Variants in ALDH1A1 observed in about 807,000 individuals in gnomAD.
ALDH1A1 encodes aldehyde dehydrogenase 1A1.
ALDH1A1 carries 19 observed loss-of-function variants against 62.1 expected under a neutral mutation model. That is an observed-to-expected ratio of 0.31 (90% CI 0.21 to 0.45). The LOEUF (loss-of-function observed/expected upper bound fraction) is 0.45, where lower values mean the gene tolerates loss of function less well. Ranked by LOEUF, ALDH1A1 falls within the 20% of genes least tolerant of loss-of-function variation. The probability of loss-of-function intolerance (pLI) is 1.00; values close to 1 mark genes in which losing one functional copy is unlikely to be tolerated. For missense variants in ALDH1A1, 521 were observed against 607.1 expected (o/e 0.86, Z 1.49); for synonymous variants, 231 against 215.9 (o/e 1.07, Z -0.61).
intron 11 of ALDH1A1, among the ~76,000 whole-genome samples, 199 bp from the exon 12 acceptor site, chr9:72,906,231 A>C (rs1287692089): frequency 6.6e-6 from 1 of 152,184 alleles, no homozygotes; most frequent in Non-Finnish European, 1.5e-5. Flanking sequence ...AACAAATAGA[A>C]TAGTGCAACT....
In ALDH1A1 at chr9:72,903,995, C is replaced by T. The variant is rs1829840877; in HGVS notation, c.1433+1963G>A. Among the ~76,000 whole-genome samples, 3 of 151,988 alleles carry T rather than the reference C, an allele frequency of 2.0e-5. 1 individual carries two copies. The South Asian group carries it at 6.2e-4, about 31-fold the overall frequency. On this transcript the variant is annotated intron_variant, in intron 12 of 12. Transcript: ENST00000297785. Reference sequence around the variant, plus strand: ...GAAGAAACTAGGGAAGGAAGAAACCCATTTGTTGAATTTACACTTTGTGAC... The same window carrying T: ...GAAGAAACTAGGGAAGGAAGAAACCTATTTGTTGAATTTACACTTTGTGAC...
chr9:72,943,096 C>T (rs1209397504), intron 1 of ALDH1A1, among the ~76,000 whole-genome samples: 1 of 152,084 alleles, frequency 6.6e-6, no homozygotes, highest in African/African-American at 2.4e-5. Context: ...ATTGTATTAC[C>T]ACCTTAGATT....
In ALDH1A1 at chr9:72,939,311, G is replaced by T. The variant is rs114015416; in HGVS notation, c.171+837C>A. On this transcript the variant is annotated intron_variant, in intron 2 of 12. Coordinates refer to ENST00000297785, the MANE Select transcript of ALDH1A1 (RefSeq NM_000689.5). Reference sequence around the variant, plus strand: ...AACAATTTTCACTAAATAAAAACTGGTTTTTGTTGTTTCTATTATTAGCTG... The same window carrying T: ...AACAATTTTCACTAAATAAAAACTGTTTTTTGTTGTTTCTATTATTAGCTG... Among the ~76,000 whole-genome samples, 1,059 of 152,060 alleles carry T rather than the reference G, an allele frequency of 7.0e-3. 17 individuals are homozygous for T. The highest frequency in any genetic ancestry group is 0.024 in the African/African-American group (988 of 41,462).
At chr9:72,922,688 A>G (rs1401122155) in intron 7 of ALDH1A1, among the ~76,000 whole-genome samples, 1 of 152,198 alleles carries the variant, frequency 6.6e-6, no homozygotes, top group Non-Finnish European at 1.5e-5. Flanking sequence ...TGGATTCCCT[A>G]TTGGGGAGGG....
chr9:72,934,070 G>C (rs913296818), intron 2 of ALDH1A1, among the ~76,000 whole-genome samples: 1 of 152,076 alleles, frequency 6.6e-6, no homozygotes, highest in African/African-American at 2.4e-5. Context: ...TGCTATGATT[G>C]CAGGCATGAG....
At chr9:72,920,926 T>G (rs1001509453) in intron 7 of ALDH1A1, among the ~76,000 whole-genome samples, 2 of 152,216 alleles carry the variant, frequency 1.3e-5, no homozygotes, top group African/African-American at 4.8e-5. Flanking sequence ...TATTATGTCT[T>G]GCATAATGTG....
At chr9:72,923,918 T>TTTAAA in intron 7 of ALDH1A1, 101 bp downstream of exon 7, 1 of 736,880 alleles carries the variant, frequency 1.4e-6, no homozygotes, top group Non-Finnish European at 2.2e-6. Flanking sequence ...TAAAAAGAGT[T>TTTAAA]TTTGTTTTAA....
At chr9:72,949,187 C>T (rs932900641) in intron 1 of ALDH1A1, among the ~76,000 whole-genome samples, 36 of 151,904 alleles carry the variant, frequency 2.4e-4, no homozygotes, top group Admixed American at 2.6e-4. Context: ...CTAGCCCAAA[C>T]GTCACATTTT....
Position 72,918,539 on chromosome 9 carries a change from AT to A in ALDH1A1, c.850+180del, listed in dbSNP as rs1173698399. Among the ~76,000 whole-genome samples, 11 of 150,344 alleles carry A rather than the reference AT, an allele frequency of 7.3e-5. No homozygotes were observed. In the East Asian group the frequency reaches 1.6e-3, roughly 22 times the overall value. ...AAATTGTGTCTATTATCTATGTGTT[AT>A]AACTTTAGGATGATTTAAGAGATTT... On this transcript the variant is annotated intron_variant, in intron 8 of 12. Transcript: ENST00000297785.
At chr9:72,918,228 ACTATACTTG>A (rs1830087564) in intron 8 of ALDH1A1, among the ~76,000 whole-genome samples, 1 of 152,174 alleles carries the variant, frequency 6.6e-6, no homozygotes, top group Admixed American at 6.5e-5. Flanking sequence ...CATAAACTCC[ACTATACTTG>A]CTAGGAAAAA....
chr9:72,940,475 A>C (rs1830402816), intron 1 of ALDH1A1, among the ~76,000 whole-genome samples: 1 of 152,198 alleles, frequency 6.6e-6, no homozygotes, highest in Non-Finnish European at 1.5e-5. Flanking sequence ...CAATCAGTTC[A>C]ACACTAGAAA....
rs1829955811 is a variant in ALDH1A1, at chr9:72,909,706, G to A, written c.1254C>T (p.Ile418=). The A allele has an allele frequency of 6.2e-6, 10 of 1,613,526 alleles. No individual in the cohort carries two copies. Among genetic ancestry groups the A allele is most frequent in the Non-Finnish European group, 8.5e-6 (10 of 1,179,730 alleles). ...CATAGAAAGTATTGTTTGCTCTTTT[G>A]ATCACGTCATCTAAAGATTTAAACT... ...IMKFKSLDDV[I]KRANNTFYGL... Residue 418 remains isoleucine, a synonymous_variant, in exon 11 of 13, where the codon ATC becomes ATT. Transcript: ENST00000297785.
intron 12 of ALDH1A1, among the ~76,000 whole-genome samples, chr9:72,902,926 A>G (rs537542843): frequency 1.3e-5 from 2 of 152,020 alleles, no homozygotes; most frequent in African/African-American, 4.8e-5. Flanking sequence ...TAAACTTGCA[A>G]GTGATATCAA....
intron 5 of ALDH1A1, among the ~76,000 whole-genome samples, chr9:72,926,576 A>G (rs543999590): frequency 1.3e-5 from 2 of 152,366 alleles, no homozygotes; most frequent in African/African-American, 4.8e-5. Flanking sequence ...TGAGCCTCTT[A>G]TCTAAAGGTA....
At position 72,909,736 on chromosome 9, in the gene ALDH1A1, G is replaced by A; in HGVS notation, c.1224C>T (p.Ile408=). 6.2e-7 allele frequency: 1 copy of A among 1,613,018 alleles called. No individual in the cohort carries two copies. The highest frequency in any genetic ancestry group is 8.5e-7 in the Non-Finnish European group (1 of 1,179,354). The change falls in exon 11 of 13, where the codon ATC becomes ATT. Residue 408 remains isoleucine (I), a synonymous_variant. Coordinates refer to ENST00000297785, the MANE Select transcript of ALDH1A1 (RefSeq NM_000689.5). ...CGTCATCTAAAGATTTAAACTTCAT[G>A]ATTTGCTGCACTGGTCCAAAAATCT... ...KEEIFGPVQQ[I]MKFKSLDDVI... is the part of the protein sequence containing the mutation.
At chr9:72,920,211 G>A (rs1830123254) in intron 7 of ALDH1A1, among the ~76,000 whole-genome samples, 1 of 152,054 alleles carries the variant, frequency 6.6e-6, no homozygotes, top group Non-Finnish European at 1.5e-5. Context: ...TTACAGAATA[G>A]GGCATTAATA....
chr9:72,928,703 C>T (rs1445000445), intron 4 of ALDH1A1, among the ~76,000 whole-genome samples, 189 bp downstream of exon 4: 1 of 152,180 alleles, frequency 6.6e-6, no homozygotes, highest in Non-Finnish European at 1.5e-5. Flanking sequence ...GCTGAAACAA[C>T]TTTAAAAGAC....
intron 2 of ALDH1A1, among the ~76,000 whole-genome samples, chr9:72,934,181 C>T (rs577314140): frequency 1.3e-5 from 2 of 152,222 alleles, no homozygotes; most frequent in East Asian, 3.9e-4. Context: ...CTTTGCCTTC[C>T]AACGTGGTGG....
intron 7 of ALDH1A1, among the ~76,000 whole-genome samples, chr9:72,920,669 T>C (rs953061665): frequency 6.6e-6 from 1 of 152,210 alleles, no homozygotes; most frequent in African/African-American, 2.4e-5. Context: ...CAAGTTTAGA[T>C]GGCAAATAAA....
Sources: gnomAD v4.1 joint callset for allele counts (sites outside exome capture counted in the v4.1 genomes callset) on GRCh38, gnomAD v4.1.1 for gene constraint, MANE v1.5 for transcripts, NCBI Gene and HGNC (gene_info 2026-07-23, HGNC 2026-07-21) for gene names.